The following LINGO2 variants were observed in gnomAD, a reference collection of about 807,000 sequenced individuals.
LINGO2 encodes the protein leucine-rich repeat and immunoglobulin-like domain-containing nogo receptor-interacting protein 2.
In LINGO2, 14 loss-of-function variants were observed where a neutral mutation model predicts 30.6. The observed-to-expected ratio is 0.46, with a 90% CI of 0.30 to 0.72. The LOEUF (loss-of-function observed/expected upper bound fraction) is 0.72, where lower values mean the gene tolerates loss of function less well. Ranked by LOEUF, LINGO2 falls within the 30% of genes least tolerant of loss-of-function variation. The pLI is 0.07. For missense variants in LINGO2, 729 were observed against 751.7 expected, an observed-to-expected ratio of 0.97 and a Z score of 0.35; for synonymous variants, 317 against 288.5, an observed-to-expected ratio of 1.10 and a Z score of -1.00.
intron 2 of LINGO2, among the ~76,000 whole-genome samples, chr9:28,433,915 C>T (rs909882811): frequency 1.9e-5 from 1 of 53,128 alleles, no homozygotes; most frequent in Non-Finnish European, 3.8e-5. Context: ...AGAAAATGTG[C>T]TCTCTCTTTC....
rs563563008 is a variant in LINGO2 at position 28,535,807 on chromosome 9, T to C, written c.-364-59782A>G. ...GTGGACATCTGCAGGCATAGAACAA[T>C]AGGAGAAGACAAATGCAGAAGAAGA... On this transcript the variant is annotated intron_variant, in intron 1 of 5. Transcript: ENST00000379992. Among the ~76,000 whole-genome samples, 10 of 152,090 alleles carry C rather than the reference T, an allele frequency of 6.6e-5. No individual in the cohort carries two copies. In the South Asian group the frequency reaches 1.2e-3, roughly 19 times the overall value.
In LINGO2 at chr9:28,306,797, A is replaced by T. The variant is rs558564502; in HGVS notation, c.-245-11431T>A. On this transcript the variant is annotated intron_variant, in intron 3 of 5. Transcript: ENST00000379992. Reference sequence around the variant, plus strand: ...AAACTACCATCAGAGAATACTACAAACACCTCTACGCAAATAAACTAGAAA... The same window carrying T: ...AAACTACCATCAGAGAATACTACAATCACCTCTACGCAAATAAACTAGAAA... Among the ~76,000 whole-genome samples, 11 of 152,318 alleles carry T rather than the reference A, an allele frequency of 7.2e-5. 1 individual carries two copies. In the South Asian group the frequency reaches 2.3e-3, roughly 32 times the overall value.
In LINGO2 at chr9:28,197,333, TTAAAATATGTTATAAGGC is replaced by T. The variant is rs560155294; in HGVS notation, c.-87+97857_-87+97874del. On this transcript the variant is annotated intron_variant, in intron 4 of 5. Transcript: ENST00000379992. ...TTATGGGAAGCTAGTCTACACAACATTAAAATATGTTATAAGGCTAAAATATCTTAAACAGTGTAGTAA... is the reference window on the plus strand; with the variant it reads ...TTATGGGAAGCTAGTCTACACAACATTAAAATATCTTAAACAGTGTAGTAA... 2.0e-4 allele frequency among the ~76,000 whole-genome samples: 31 copies of T among 151,912 alleles called. No individual in the cohort carries two copies. In the South Asian group the frequency reaches 6.2e-3, roughly 31 times the overall value.
chr9:28,928,138 G>T, the LINGO2 span, among the ~76,000 whole-genome samples: 27 of 152,306 alleles, frequency 1.8e-4, no homozygotes, highest in African/African-American at 6.5e-4. Context: ...CACAGAATTA[G>T]TATTTGAATT....
chr9:28,441,011 G>T (rs573607419), intron 2 of LINGO2, among the ~76,000 whole-genome samples: 5 of 152,150 alleles, frequency 3.3e-5, no homozygotes, highest in Admixed American at 1.3e-4. Flanking sequence ...TGAAGGGTGG[G>T]GCGTAATGAG....
intron 4 of LINGO2, among the ~76,000 whole-genome samples, chr9:28,107,808 T>C (rs1435382680): frequency 6.6e-6 from 1 of 152,144 alleles, no homozygotes; most frequent in Non-Finnish European, 1.5e-5. Flanking sequence ...TTTTTTGAGA[T>C]ATAAAACACC....
rs757683970 is a variant in LINGO2 at position 28,015,591 on chromosome 9, C to G, written c.-86-3186G>C. 2.1e-4 allele frequency among the ~76,000 whole-genome samples: 32 copies of G among 152,004 alleles called. 1 individual carries two copies. Among genetic ancestry groups the G allele is most frequent in the Non-Finnish European group, 3.7e-4 (25 of 67,992 alleles). Reference sequence around the variant, plus strand: ...CTTGTGATATTTTCAATTTTCAAAGCAATTATTACATTAGGAACACAGGTT... The same window carrying G: ...CTTGTGATATTTTCAATTTTCAAAGGAATTATTACATTAGGAACACAGGTT... On this transcript the variant is annotated intron_variant, in intron 4 of 5. Coordinates refer to ENST00000379992, the Ensembl canonical transcript of LINGO2.
chr9:28,928,861 C>T, the LINGO2 span, among the ~76,000 whole-genome samples: 3 of 152,088 alleles, frequency 2.0e-5, no homozygotes, highest in Non-Finnish European at 4.4e-5. Context: ...TATGTGAGCT[C>T]AAGTGAGCTT....
chr9:28,415,743 AC>A (rs1822941995), intron 2 of LINGO2, among the ~76,000 whole-genome samples: 1 of 152,156 alleles, frequency 6.6e-6, no homozygotes, highest in African/African-American at 2.4e-5. Flanking sequence ...GTCCATCCGT[AC>A]CTTTACAGAA....
At chr9:28,782,336 T>A in the LINGO2 span, among the ~76,000 whole-genome samples, 1 of 152,170 alleles carries the variant, frequency 6.6e-6, no homozygotes, top group Non-Finnish European at 1.5e-5. Flanking sequence ...AACCAAAATG[T>A]CAGTGCCTTC....
chr9:28,233,070 T>C (rs1340313029), intron 4 of LINGO2, among the ~76,000 whole-genome samples: 2 of 110,664 alleles, frequency 1.8e-5, no homozygotes, highest in Non-Finnish European at 1.8e-5. Flanking sequence ...ATTAGATATA[T>C]AATAGATATA....
chr9:28,761,502 A>ACG, the LINGO2 span, among the ~76,000 whole-genome samples: 36 of 135,344 alleles, frequency 2.7e-4, no homozygotes, highest in East Asian at 1.4e-3. Context: ...ACACACACGC[A>ACG]CACACACGTG....
intron 4 of LINGO2, among the ~76,000 whole-genome samples, chr9:28,023,687 A>G (rs1371962695): frequency 2.0e-5 from 3 of 152,156 alleles, no homozygotes; most frequent in Non-Finnish European, 4.4e-5. Context: ...TGGATTTGTC[A>G]TTTGTTAAGA....
chr9:28,180,292 C>T (rs1334587116), intron 4 of LINGO2, among the ~76,000 whole-genome samples: 2 of 152,108 alleles, frequency 1.3e-5, no homozygotes, highest in African/African-American at 4.8e-5. Flanking sequence ...GGAAGGTCCC[C>T]AGTAAACTCA....
At chr9:28,090,844 T>C (rs2198293) in intron 4 of LINGO2, among the ~76,000 whole-genome samples, 149,293 of 152,322 alleles carry the variant, frequency 0.98, 73,235 homozygotes, top group East Asian at 1. Context: ...TCTTGTTAAG[T>C]TGATAGGCAA....
intron 2 of LINGO2, among the ~76,000 whole-genome samples, chr9:28,456,904 TAA>T (rs1824872263): frequency 6.6e-6 from 1 of 152,224 alleles, no homozygotes; most frequent in Non-Finnish European, 1.5e-5. Context: ...TTATTCAAAA[TAA>T]TATTTGGCTA....
intron 4 of LINGO2, among the ~76,000 whole-genome samples, chr9:28,103,730 T>G (rs576752789): frequency 6.6e-6 from 1 of 152,318 alleles, no homozygotes; most frequent in Admixed American, 6.5e-5. Context: ...GTGGGGTGAC[T>G]TGACATATTG....
chr9:28,242,011 GA>G (rs140270977), intron 4 of LINGO2, among the ~76,000 whole-genome samples: 2 of 151,236 alleles, frequency 1.3e-5, no homozygotes, highest in African/African-American at 4.9e-5. Context: ...ATGAAGATGA[GA>G]AAAAAAAATC....
chr9:28,153,808 A>G (rs934521314), intron 4 of LINGO2, among the ~76,000 whole-genome samples: 1 of 152,210 alleles, frequency 6.6e-6, no homozygotes, highest in Admixed American at 6.5e-5. Context: ...ATTAATAATT[A>G]AACAGTAAGA....
Sources: allele counts gnomAD v4.1 joint callset (sites outside exome capture counted in the v4.1 genomes callset), GRCh38; gene constraint gnomAD v4.1.1; transcripts MANE v1.5; gene names NCBI Gene and HGNC (gene_info 2026-07-23, HGNC 2026-07-21).